Variants in PRDM12 observed in about 807,000 individuals in gnomAD.
PRDM12 encodes the protein PR/SET domain 12.
A neutral mutation model predicts 29.6 loss-of-function variants in PRDM12; 17 were observed. The observed-to-expected ratio is 0.57, with a 90% CI of 0.39 to 0.86. PRDM12 has a LOEUF of 0.86. PRDM12 is among the 40% of genes least tolerant of loss of function. The pLI, the probability that PRDM12 is intolerant of heterozygous loss-of-function variation, is 0.00. For missense variants in PRDM12, 422 were observed against 510.8 expected (o/e 0.83, Z 1.68); for synonymous variants, 231 against 225.8 (o/e 1.02, Z -0.21).
chr9:130,680,653 A>ATTTTTTTTTTTTTT (rs1273238499), intron 4 of PRDM12, among the ~76,000 whole-genome samples: 1 of 80,832 alleles, frequency 1.2e-5, no homozygotes, highest in African/African-American at 8.0e-5. Flanking sequence ...ATATATATAT[A>ATTTTTTTTTTTTTT]TATATATTTT....
chr9:130,666,151 A>G lies in PRDM12; in HGVS notation c.224-457A>G, dbSNP rs115348227. Reference sequence around the variant, plus strand: ...GCCCGGCTCCTCTGCCAGTGCCCAGAGCCTGGACACACAGTGGGCTCCCGG... The same window carrying G: ...GCCCGGCTCCTCTGCCAGTGCCCAGGGCCTGGACACACAGTGGGCTCCCGG... On this transcript the variant is annotated intron_variant, in intron 1 of 4. Coordinates refer to ENST00000253008, the MANE Select transcript of PRDM12 (RefSeq NM_021619.3). Among the ~76,000 whole-genome samples, 1,052 of 152,254 alleles carry G rather than the reference A, an allele frequency of 6.9e-3. 12 individuals are homozygous for G. The highest frequency in any genetic ancestry group is 0.024 in the African/African-American group (985 of 41,546).
At chr9:130,676,403 G>A (rs1188526146) in intron 3 of PRDM12, among the ~76,000 whole-genome samples, 2 of 152,206 alleles carry the variant, frequency 1.3e-5, no homozygotes, top group Non-Finnish European at 2.9e-5. Flanking sequence ...GGCTGAGGCA[G>A]GAGAATGGCG....
rs1255032993 is a variant in PRDM12, at chr9:130,674,016, T to C, written c.571-4513T>C. 8.7e-4 allele frequency among the ~76,000 whole-genome samples: 111 copies of C among 126,884 alleles called. 1 individual carries two copies. The East Asian group carries it at 0.013, about 15-fold the overall frequency. 83.2% of individuals were successfully genotyped at this position (126,884 alleles called of 152,430 possible). ...TTCTTTTCTTTCTTTCTTTCTTTTT[T>C]TTTTTTTTTTTTTTTTGAGACAGAG... On this transcript the variant is annotated intron_variant, in intron 3 of 4. Transcript: ENST00000253008.
At chr9:130,675,379 C>T (rs1025777747) in intron 3 of PRDM12, among the ~76,000 whole-genome samples, 5 of 152,062 alleles carry the variant, frequency 3.3e-5, no homozygotes, top group South Asian at 4.1e-4. Flanking sequence ...CTGGGAATTG[C>T]GGGTACCTGC....
At chr9:130,671,281 G>A (rs561993840) in intron 3 of PRDM12, among the ~76,000 whole-genome samples, 102 of 151,964 alleles carry the variant, frequency 6.7e-4, no homozygotes, top group African/African-American at 2.4e-3. Context: ...GGAGGCGGAG[G>A]TTGTAGTGAA....
intron 3 of PRDM12, among the ~76,000 whole-genome samples, chr9:130,670,211 A>C (rs2132594032): frequency 6.6e-6 from 1 of 151,796 alleles, no homozygotes; most frequent in South Asian, 2.1e-4. Flanking sequence ...CTTGGTGGAG[A>C]TTTTTGGGTG....
chr9:130,671,170 C>G (rs1830785314), intron 3 of PRDM12, among the ~76,000 whole-genome samples: 1 of 152,052 alleles, frequency 6.6e-6, no homozygotes, highest in Non-Finnish European at 1.5e-5. Context: ...CATGGTGAAA[C>G]CCCGTCTCTA....
At chr9:130,669,765 G>A (rs973867949) in intron 3 of PRDM12, among the ~76,000 whole-genome samples, 3 of 145,382 alleles carry the variant, frequency 2.1e-5, no homozygotes, top group African/African-American at 5.2e-5. Context: ...GCAGTGAGCC[G>A]AGATGGCACC....
rs1010282759 is a variant in PRDM12 at position 130,668,626 on chromosome 9, G to A, written c.570+313G>A. Among the ~76,000 whole-genome samples the A allele has an allele frequency of 5.3e-5, 8 of 152,216 alleles. No homozygotes were observed. Among genetic ancestry groups the A allele is most frequent in the Non-Finnish European group, 1.2e-4 (8 of 68,032 alleles). ...CAGATGTTGGCTGACAGTTTCCTGA[G>A]GTTCAGGGGTCACAGAGACACAGAG... is the stretch of plus-strand genomic sequence containing the variant. On this transcript the variant is annotated intron_variant, in intron 3 of 4. Coordinates refer to ENST00000253008, the MANE Select transcript of PRDM12 (RefSeq NM_021619.3). The surrounding 1 kb of genome is among the most constrained non-coding windows in gnomAD (Gnocchi z 4.0).
At chr9:130,669,608 G>C (rs1442425324) in intron 3 of PRDM12, among the ~76,000 whole-genome samples, 1 of 151,210 alleles carries the variant, frequency 6.6e-6, no homozygotes, top group Non-Finnish European at 1.5e-5. Context: ...GAGGCCAGGA[G>C]ATCGAGACCA....
At chr9:130,667,674 A>G (rs1283606816) in intron 2 of PRDM12, among the ~76,000 whole-genome samples, 1 of 152,140 alleles carries the variant, frequency 6.6e-6, no homozygotes, top group African/African-American at 2.4e-5. Context: ...GTTGGGGTCC[A>G]GTTTGACCTC....
intron 2 of PRDM12, 55 bp downstream of exon 2, chr9:130,666,853 G>A: frequency 6.5e-7 from 1 of 1,539,062 alleles, no homozygotes; most frequent in Non-Finnish European, 8.8e-7. Flanking sequence ...CGCTGGTCGC[G>A]GGTAGGACTC....
At chr9:130,675,408 G>A (rs1330824115) in intron 3 of PRDM12, among the ~76,000 whole-genome samples, 1 of 152,170 alleles carries the variant, frequency 6.6e-6, no homozygotes, top group Non-Finnish European at 1.5e-5. Flanking sequence ...GGTGTCCTCG[G>A]AGCATTCGGG....
At chr9:130,680,659 A>ATATATAT in intron 4 of PRDM12, among the ~76,000 whole-genome samples, 84 of 72,138 alleles carry the variant, frequency 1.2e-3, no homozygotes, top group Admixed American at 2.5e-3. Flanking sequence ...ATATATATAT[A>ATATATAT]TTTTTTTTTT....
chr9:130,666,713 C>T lies in PRDM12; in HGVS notation c.329C>T (p.Ala110Val). 2.5e-6 allele frequency: 4 copies of T among 1,613,460 alleles called. No homozygotes were observed. Among genetic ancestry groups the T allele is most frequent in the Non-Finnish European group, 3.4e-6 (4 of 1,179,864 alleles). ...ATCTTCTCCAAGACGTGGATCAAGG[C>T]GGGAACCGAGATGGGCCCCTTCACC... is the stretch of plus-strand genomic sequence containing the variant. The part of the protein sequence containing the change: ...LGIFSKTWIK[A>V]GTEMGPFTGR... Residue 110 changes from alanine to valine, a missense_variant, in exon 2 of 5, where the codon GCG (alanine) becomes GTG (valine). Physicochemically the swap from Ala to Val is moderately conservative, Grantham distance 64. Around this residue, in one of 5 missense-constraint regions of PRDM12, gnomAD observed 300 missense variants for 350.0 expected, o/e 0.86. Transcript: ENST00000253008.
chr9:130,679,951 G>A (rs902725670), intron 4 of PRDM12, among the ~76,000 whole-genome samples: 17 of 152,016 alleles, frequency 1.1e-4, no homozygotes, highest in South Asian at 4.2e-4. Flanking sequence ...ATGAGGCACC[G>A]TGGTCAGCGG....
At chr9:130,676,159 G>A (rs1242111452) in intron 3 of PRDM12, among the ~76,000 whole-genome samples, 1 of 152,002 alleles carries the variant, frequency 6.6e-6, no homozygotes, top group African/African-American at 2.4e-5. Context: ...CCACCCCAGT[G>A]AGGTCTGGAA....
At chr9:130,669,672 C>T (rs563726855) in intron 3 of PRDM12, among the ~76,000 whole-genome samples, 65 of 144,446 alleles carry the variant, frequency 4.5e-4, no homozygotes, top group Non-Finnish European at 5.9e-4. Flanking sequence ...AAAAATTAGC[C>T]GGGTGTGGTT....
intron 3 of PRDM12, among the ~76,000 whole-genome samples, chr9:130,669,581 C>T (rs561583665): frequency 4.0e-5 from 6 of 149,370 alleles, no homozygotes; most frequent in Admixed American, 6.7e-5. Flanking sequence ...TTTGGGAGGC[C>T]GAGGTGGGCA....
Sources: gnomAD v4.1 joint callset for allele counts (sites outside exome capture counted in the v4.1 genomes callset) on GRCh38, gnomAD v4.1.1 for gene constraint, gnomAD v4.1.1 regional missense constraint, Gnocchi (gnomAD v3.1) non-coding constraint, MANE v1.5 for transcripts, NCBI Gene and HGNC (gene_info 2026-07-23, HGNC 2026-07-21) for gene names.